The following ANO4 variants were observed in gnomAD, a reference collection of about 807,000 sequenced individuals.
The protein encoded by ANO4 is anoctamin-4.
A neutral mutation model predicts 141.9 loss-of-function variants in ANO4; 69 were observed. That is an observed-to-expected ratio of 0.49 (90% CI 0.40 to 0.59). The LOEUF is 0.59. Among genes scored for constraint, ANO4 ranks in the 20% least tolerant of loss-of-function variants. The probability of loss-of-function intolerance (pLI) is 0.00; values close to 1 mark genes in which losing one functional copy is unlikely to be tolerated. For synonymous variants in ANO4, 350 were observed against 394.3 expected, an observed-to-expected ratio of 0.89 and a Z score of 1.33; for missense variants, 894 against 1,162.2, an observed-to-expected ratio of 0.77 and a Z score of 3.36.
chr12:101,104,021 G>T (rs2050311695), intron 22 of ANO4, among the ~76,000 whole-genome samples: 1 of 151,808 alleles, frequency 6.6e-6, no homozygotes, highest in Admixed American at 6.6e-5. Context: ...AAACTTAGCA[G>T]CGTAAAATTG....
intron 2 of ANO4, among the ~76,000 whole-genome samples, chr12:100,735,823 A>C (rs1241090119): frequency 6.6e-6 from 1 of 152,186 alleles, no homozygotes; most frequent in Non-Finnish European, 1.5e-5. Context: ...GAGACTTCTC[A>C]CGTCAGAATG....
chr12:101,080,904 TACACA>T (rs2049244233), intron 15 of ANO4, among the ~76,000 whole-genome samples: 1 of 118,358 alleles, frequency 8.4e-6, no homozygotes, highest in Non-Finnish European at 1.9e-5. Context: ...TATATATACA[TACACA>T]TATACATATA....
chr12:101,013,102 C>T (rs2046167692), intron 8 of ANO4, among the ~76,000 whole-genome samples: 3 of 152,114 alleles, frequency 2.0e-5, no homozygotes, highest in South Asian at 2.1e-4. Context: ...TACCATTTGA[C>T]CCAGCAGTGC....
intron 16 of ANO4, among the ~76,000 whole-genome samples, chr12:101,085,918 T>C (rs1270488243): frequency 2.6e-5 from 4 of 152,190 alleles, no homozygotes; most frequent in South Asian, 4.1e-4. Context: ...GTCAAACAGA[T>C]TGTTAGAAAT....
intron 10 of ANO4, 21 bp downstream of exon 10, chr12:101,037,171 T>G: frequency 6.2e-7 from 1 of 1,608,386 alleles, no homozygotes; most frequent in Non-Finnish European, 8.5e-7. Context: ...GTCTTTAATC[T>G]TTATCTTTCT....
chr12:100,911,895 C>T (rs895124503), intron 2 of ANO4, among the ~76,000 whole-genome samples: 2 of 152,094 alleles, frequency 1.3e-5, no homozygotes, highest in South Asian at 2.1e-4. Context: ...TTTAGAATAA[C>T]GATCATAATA....
At chr12:100,810,814 C>G (rs1014428332) in intron 1 of ANO4, among the ~76,000 whole-genome samples, 1 of 152,062 alleles carries the variant, frequency 6.6e-6, no homozygotes, top group Non-Finnish European at 1.5e-5. Flanking sequence ...CAAGAGCAGT[C>G]CATATGGTCA....
intron 14 of ANO4, chr12:101,068,926 G>A (rs2048703389): frequency 9.8e-6 from 8 of 812,472 alleles, no homozygotes; most frequent in South Asian, 2.7e-5. Context: ...GCTCAACATC[G>A]AAGCTGCTAA....
At chr12:101,095,435 G>C (rs2049943710) in intron 18 of ANO4, among the ~76,000 whole-genome samples, 1 of 152,166 alleles carries the variant, frequency 6.6e-6, no homozygotes, top group Non-Finnish European at 1.5e-5. Context: ...AACCTAGCTG[G>C]TGACCAGGAG....
intron 3 of ANO4, among the ~76,000 whole-genome samples, chr12:100,925,425 G>T (rs2041823256): frequency 6.6e-6 from 1 of 151,440 alleles, no homozygotes; most frequent in Non-Finnish European, 1.5e-5. Context: ...AGAACATGCG[G>T]TGTTTGGTTT....
intron 2 of ANO4, among the ~76,000 whole-genome samples, chr12:100,739,006 A>G (rs1224506404): frequency 8.0e-6 from 1 of 125,396 alleles, no homozygotes; most frequent in Non-Finnish European, 1.6e-5. Context: ...TTGTTTATAT[A>G]TATCTAAATC....
chr12:100,969,137 C>T (rs2043811817), intron 5 of ANO4, among the ~76,000 whole-genome samples: 1 of 152,192 alleles, frequency 6.6e-6, no homozygotes, highest in African/African-American at 2.4e-5. Context: ...TCACAATATC[C>T]ACCTAGGCCA....
chr12:100,924,882 A>G (rs188748870), intron 3 of ANO4, among the ~76,000 whole-genome samples: 5 of 152,218 alleles, frequency 3.3e-5, no homozygotes, highest in African/African-American at 1.2e-4. Context: ...AGTAATTTTT[A>G]TTACCAGATC....
intron 1 of ANO4, among the ~76,000 whole-genome samples, chr12:100,847,797 A>T (rs2037653277): frequency 6.6e-6 from 1 of 152,230 alleles, no homozygotes; most frequent in Admixed American, 6.5e-5. Flanking sequence ...CAAAATAGAG[A>T]TGAATGTTTA....
intron 1 of ANO4, among the ~76,000 whole-genome samples, chr12:100,861,249 C>A (rs559177620): frequency 6.6e-6 from 1 of 152,226 alleles, no homozygotes; most frequent in South Asian, 2.1e-4. Flanking sequence ...TCTCCAAGTC[C>A]CCATTCGACC....
intron 14 of ANO4, among the ~76,000 whole-genome samples, chr12:101,071,338 T>TAA (rs541823846): frequency 5.8e-5 from 8 of 137,880 alleles, no homozygotes; most frequent in African/African-American, 1.6e-4. Context: ...AGTCAGCCAT[T>TAA]AAAAAAAAAA....
At chr12:100,792,251 G>A (rs1233096365), upstream of ANO4, among the ~76,000 whole-genome samples, 1 of 152,050 alleles carries the variant, frequency 6.6e-6, no homozygotes, top group African/African-American at 2.4e-5. Context: ...CAAAGTTCCT[G>A]AAAAAGCTAT....
chr12:101,063,318 T>G (rs755855434), intron 14 of ANO4, among the ~76,000 whole-genome samples: 1 of 152,236 alleles, frequency 6.6e-6, no homozygotes, highest in Non-Finnish European at 1.5e-5. Flanking sequence ...CTGTTCCTAT[T>G]CAGCCATCTT....
intron 1 of ANO4, among the ~76,000 whole-genome samples, chr12:100,899,209 C>A (rs2136018993): frequency 6.6e-6 from 1 of 152,288 alleles, no homozygotes. Context: ...CTCCTGAGAC[C>A]AAGGCTTAGG....
Sources: gnomAD v4.1 joint callset for allele counts (sites outside exome capture counted in the v4.1 genomes callset) on GRCh38, gnomAD v4.1.1 for gene constraint, MANE v1.5 for transcripts, NCBI Gene and HGNC (gene_info 2026-07-23, HGNC 2026-07-21) for gene names.